The following PVT1 variants were observed in gnomAD, a reference collection of about 807,000 sequenced individuals.
PVT1 encodes the protein Pvt1 oncogene.
intron 3 of PVT1, among the ~76,000 whole-genome samples, chr8:127,908,872 G>A (rs148185370): frequency 5.9e-5 from 9 of 152,170 alleles, no homozygotes; most frequent in African/African-American, 2.2e-4. Flanking sequence ...TAAGAGGTAC[G>A]GTCACCCTCC....
intron 4 of PVT1, among the ~76,000 whole-genome samples, chr8:128,014,557 C>T (rs1354034993): frequency 2.0e-5 from 3 of 152,160 alleles, no homozygotes; most frequent in Admixed American, 6.5e-5. Flanking sequence ...GCCGCCTGGC[C>T]GTGTCTGGCC....
intron 2 of PVT1, among the ~76,000 whole-genome samples, chr8:127,879,765 T>C (rs1035718410): frequency 2.8e-4 from 43 of 152,204 alleles, no homozygotes; most frequent in Admixed American, 1.3e-4. Flanking sequence ...GTGTGGTAAT[T>C]ACATGCTCTT....
chr8:127,974,773 G>C (rs1046388517), intron 3 of PVT1, among the ~76,000 whole-genome samples: 1 of 152,130 alleles, frequency 6.6e-6, no homozygotes, highest in African/African-American at 2.4e-5. Context: ...GAATAGATAC[G>C]GGTGAGAAAA....
intron 3 of PVT1, among the ~76,000 whole-genome samples, chr8:127,938,839 G>A (rs924241095): frequency 3.3e-5 from 5 of 152,206 alleles, no homozygotes; most frequent in African/African-American, 4.8e-5. Flanking sequence ...CAGTCATCGT[G>A]TGGCGGAATG....
At chr8:128,018,250 G>T (rs1001290522) in intron 4 of PVT1, among the ~76,000 whole-genome samples, 1 of 152,206 alleles carries the variant, frequency 6.6e-6, no homozygotes, top group African/African-American at 2.4e-5. Context: ...GAAAGAAAAA[G>T]ATGTTATAAA....
intron 3 of PVT1, among the ~76,000 whole-genome samples, chr8:127,962,956 G>T (rs192780066): frequency 1.3e-5 from 2 of 152,242 alleles, no homozygotes; most frequent in East Asian, 3.9e-4. Context: ...CTTGCAGATG[G>T]GCAGTAGTGT....
chr8:127,921,949 C>T (rs1816066119), intron 3 of PVT1, among the ~76,000 whole-genome samples: 1 of 134,378 alleles, frequency 7.4e-6, no homozygotes, highest in Admixed American at 8.4e-5. Flanking sequence ...CAACCTCTGC[C>T]TCCTGGGTTC....
intron 2 of PVT1, among the ~76,000 whole-genome samples, chr8:127,827,094 C>T (rs145885807): frequency 0.021 from 2,967 of 144,022 alleles, 81 homozygotes; most frequent in African/African-American, 0.072. Context: ...CTCCTGGGTT[C>T]GAGCGATTCT....
chr8:127,962,487 C>A (rs963808459), intron 3 of PVT1, among the ~76,000 whole-genome samples: 1 of 152,220 alleles, frequency 6.6e-6, no homozygotes, highest in Non-Finnish European at 1.5e-5. Flanking sequence ...TCTAGCTCTG[C>A]TGTGACCTTA....
chr8:127,851,774 T>C lies in PVT1; in HGVS notation n.373-38815T>C, dbSNP rs114719621. On this transcript the variant is annotated intron_variant and non_coding_transcript_variant, in intron 2 of 10. Coordinates refer to ENST00000651587, the Ensembl canonical transcript of PVT1. ...ATGCAGGCTGTGGAGACTCTAGCCA[T>C]GGTTTCTCCATGCAGGAGTGAGGTT... is the stretch of plus-strand genomic sequence containing the variant. Among the ~76,000 whole-genome samples, 1,062 of 152,228 alleles carry C rather than the reference T, an allele frequency of 7.0e-3. 19 individuals are homozygous for C. Among genetic ancestry groups the C allele is most frequent in the African/African-American group, 0.024 (990 of 41,542 alleles).
intron 3 of PVT1, among the ~76,000 whole-genome samples, chr8:127,916,385 G>T (rs1475282563): frequency 2.6e-5 from 4 of 152,154 alleles, no homozygotes; most frequent in African/African-American, 7.2e-5. Context: ...CATGTGGTTG[G>T]TGCTCAATAA....
chr8:128,033,931 A>G (rs1563671112), intron 4 of PVT1, among the ~76,000 whole-genome samples: 1 of 152,098 alleles, frequency 6.6e-6, no homozygotes, highest in South Asian at 2.1e-4. Flanking sequence ...TTCCCATGTT[A>G]AGAAGACGTA....
At chr8:128,034,063 T>C (rs1248078813) in intron 4 of PVT1, among the ~76,000 whole-genome samples, 7 of 126,176 alleles carry the variant, frequency 5.5e-5, no homozygotes, top group Admixed American at 2.3e-4. Flanking sequence ...CTTCTGCACC[T>C]TTTTTTTTTT....
chr8:127,932,832 G>A (rs2129890468), intron 3 of PVT1: 1 of 258,206 alleles, frequency 3.9e-6, no homozygotes, highest in Non-Finnish European at 7.3e-6. Flanking sequence ...GCATGTATAT[G>A]CGTATCTATC....
intron 2 of PVT1, among the ~76,000 whole-genome samples, chr8:127,858,732 C>T (rs1378365706): frequency 6.7e-6 from 1 of 149,470 alleles, no homozygotes; most frequent in Admixed American, 6.7e-5. Context: ...GTACAGCAAG[C>T]AGTTCTGTGA....
chr8:127,898,339 A>G lies in PVT1; in HGVS notation n.782+7341A>G, dbSNP rs111254649. ...GAAAATAATGTAAAGAAAGAAAAGAAAGGAAAGAAAGATTCATTACTATCC... is the reference window on the plus strand; with the variant it reads ...GAAAATAATGTAAAGAAAGAAAAGAGAGGAAAGAAAGATTCATTACTATCC... On this transcript the variant is annotated intron_variant and non_coding_transcript_variant, in intron 3 of 10. Coordinates refer to ENST00000651587, the Ensembl canonical transcript of PVT1. The surrounding 1 kb of genome is among the most constrained non-coding windows in gnomAD (Gnocchi z 4.4). 0.019 allele frequency among the ~76,000 whole-genome samples: 2,905 copies of G among 152,320 alleles called. 50 individuals carry two copies. The highest frequency in any genetic ancestry group is 0.029 in the Non-Finnish European group (1,958 of 68,026).
intron 4 of PVT1, among the ~76,000 whole-genome samples, chr8:128,041,072 G>T (rs1455549971): frequency 2.0e-5 from 3 of 149,338 alleles, no homozygotes; most frequent in African/African-American, 7.4e-5. Context: ...GTGCTTGTGT[G>T]TATTTGTGCA....
chr8:127,820,741 G>A (rs549102053), intron 2 of PVT1, among the ~76,000 whole-genome samples: 8 of 151,270 alleles, frequency 5.3e-5, no homozygotes, highest in East Asian at 1.9e-4. Flanking sequence ...ATAGAGTCTC[G>A]CTTTGTCGCC....
intron 3 of PVT1, among the ~76,000 whole-genome samples, chr8:127,953,465 G>A (rs1288606769): frequency 6.6e-6 from 1 of 152,142 alleles, no homozygotes; most frequent in Non-Finnish European, 1.5e-5. Flanking sequence ...AAGATTGTTA[G>A]AAAAATAAAT....
Sources: allele counts gnomAD v4.1 joint callset (sites outside exome capture counted in the v4.1 genomes callset), GRCh38; gene constraint gnomAD v4.1.1; non-coding constraint Gnocchi (gnomAD v3.1); transcripts MANE v1.5; gene names NCBI Gene and HGNC (gene_info 2026-07-23, HGNC 2026-07-21).